KCNMA1: variants seen among roughly 807,000 people sequenced by gnomAD.
The protein encoded by KCNMA1 is Calcium-activated potassium channel subunit alpha-1.
A neutral mutation model predicts 140.0 loss-of-function variants in KCNMA1; 29 were observed. The observed-to-expected ratio is 0.21, with a 90% CI of 0.15 to 0.28. KCNMA1 has a LOEUF of 0.28. Ranked by LOEUF, KCNMA1 falls within the 10% of genes least tolerant of loss-of-function variation. The probability of loss-of-function intolerance (pLI) is 1.00; values close to 1 mark genes in which losing one functional copy is unlikely to be tolerated. For missense variants in KCNMA1, 880 were observed against 1,602.2 expected (o/e 0.55, Z 7.70); for synonymous variants, 612 against 611.9 (o/e 1.00, Z 0.00).
intron 1 of KCNMA1, among the ~76,000 whole-genome samples, chr10:77,539,115 C>T (rs576923722): frequency 6.6e-6 from 1 of 152,266 alleles, no homozygotes; most frequent in Admixed American, 6.5e-5. Flanking sequence ...ATTCATAAAC[C>T]AGCTCCCCCA....
At chr10:77,505,362 G>A (rs2045444739) in intron 1 of KCNMA1, among the ~76,000 whole-genome samples, 1 of 152,202 alleles carries the variant, frequency 6.6e-6, no homozygotes, top group Admixed American at 6.5e-5. Context: ...TCCATGCCCT[G>A]GCAATGGGGG....
chr10:77,137,115 T>C lies in KCNMA1; in HGVS notation c.809-16067A>G, dbSNP rs117086370. ...TGACAGAAATTGAGGGATAAACAGG[T>C]AAATGATAACTCATTCACTGCTTCA... On this transcript the variant is annotated intron_variant, in intron 5 of 27. Coordinates refer to ENST00000286628, the MANE Select transcript of KCNMA1 (RefSeq NM_001161352.2). Among the ~76,000 whole-genome samples the C allele has an allele frequency of 3.7e-3, 425 of 113,680 alleles. 20 individuals are homozygous for C. In the East Asian group the frequency reaches 0.11, roughly 28 times the overall value. The allele number at this position is 113,680 out of a possible 152,430, so 74.6% of individuals were successfully genotyped here.
chr10:77,584,670 G>A (rs1603637668), intron 1 of KCNMA1, among the ~76,000 whole-genome samples: 1 of 152,154 alleles, frequency 6.6e-6, no homozygotes, highest in African/African-American at 2.4e-5. Flanking sequence ...TTCCATAAAT[G>A]TTTTTAAAGA....
chr10:77,131,866 G>A (rs1410481380), intron 5 of KCNMA1, among the ~76,000 whole-genome samples: 1 of 151,150 alleles, frequency 6.6e-6, no homozygotes, highest in East Asian at 1.9e-4. Flanking sequence ...TTGGGAGGCT[G>A]AGGCAGGAGA....
intron 1 of KCNMA1, among the ~76,000 whole-genome samples, chr10:77,460,967 G>T (rs190880373): frequency 6.6e-6 from 1 of 152,094 alleles, no homozygotes; most frequent in African/African-American, 2.4e-5. Flanking sequence ...TTAGCTGGGC[G>T]TGGTGGCATG....
At chr10:77,311,591 AAAAT>A (rs1364955739) in intron 2 of KCNMA1, among the ~76,000 whole-genome samples, 3 of 152,354 alleles carry the variant, frequency 2.0e-5, no homozygotes, top group East Asian at 1.9e-4. Context: ...ATCATTTAAA[AAAAT>A]AAATAAATAA....
chr10:76,915,076 G>A, intron 23 of KCNMA1, 27 bp from the exon 24 acceptor site: 1 of 1,535,982 alleles, frequency 6.5e-7, no homozygotes, highest in South Asian at 1.1e-5. Flanking sequence ...AGAGGAGGAA[G>A]AAAAATCAGA....
At chr10:77,399,595 A>G (rs2096193543) in intron 2 of KCNMA1, among the ~76,000 whole-genome samples, 1 of 152,194 alleles carries the variant, frequency 6.6e-6, no homozygotes, top group Middle Eastern at 3.2e-3. Context: ...GAGAGGAGGC[A>G]AAGACAGGCT....
intron 1 of KCNMA1, among the ~76,000 whole-genome samples, chr10:77,555,275 G>A (rs1416736841): frequency 6.6e-6 from 1 of 152,194 alleles, no homozygotes; most frequent in Non-Finnish European, 1.5e-5. Context: ...AGGCCCTGTG[G>A]TATTTCTTGA....
intron 25 of KCNMA1, among the ~76,000 whole-genome samples, chr10:76,896,354 G>A (rs1215127350): frequency 6.6e-6 from 1 of 152,122 alleles, no homozygotes; most frequent in African/African-American, 2.4e-5. Flanking sequence ...CAGACTTTAA[G>A]GTTATCTCCC....
intron 1 of KCNMA1, among the ~76,000 whole-genome samples, chr10:77,442,089 G>A (rs1459616369): frequency 6.6e-6 from 1 of 152,158 alleles, no homozygotes; most frequent in East Asian, 1.9e-4. Flanking sequence ...GATCACCCAG[G>A]AGACTCGAAA....
intron 3 of KCNMA1, among the ~76,000 whole-genome samples, chr10:77,241,342 G>A (rs2057217472): frequency 6.6e-6 from 1 of 152,046 alleles, no homozygotes; most frequent in Admixed American, 6.6e-5. Context: ...AATAAATGAC[G>A]AATAATAACA....
chr10:77,598,197 A>G (rs1567781682), intron 1 of KCNMA1, among the ~76,000 whole-genome samples: 1 of 152,056 alleles, frequency 6.6e-6, no homozygotes, highest in Non-Finnish European at 1.5e-5. Context: ...TCTTGAATTC[A>G]TGACCTCAAG....
chr10:77,161,136 T>C (rs981323983), intron 5 of KCNMA1, among the ~76,000 whole-genome samples: 1 of 152,150 alleles, frequency 6.6e-6, no homozygotes, highest in Non-Finnish European at 1.5e-5. Flanking sequence ...CAAGGACAGA[T>C]GTGGGATAAG....
At chr10:76,950,552 G>A (rs1424299450) in intron 21 of KCNMA1, among the ~76,000 whole-genome samples, 2 of 152,204 alleles carry the variant, frequency 1.3e-5, no homozygotes, top group Non-Finnish European at 2.9e-5. Flanking sequence ...CTGGTTCAAT[G>A]CCTCCCATTC....
At chr10:77,033,376 G>A (rs529364236) in intron 15 of KCNMA1, among the ~76,000 whole-genome samples, 2 of 152,060 alleles carry the variant, frequency 1.3e-5, no homozygotes, top group African/African-American at 4.8e-5. Context: ...GATAGGAGTG[G>A]AGTGGGAAGG....
intron 2 of KCNMA1, among the ~76,000 whole-genome samples, chr10:77,328,208 C>T (rs76226395): frequency 0.016 from 2,441 of 152,294 alleles, 70 homozygotes; most frequent in African/African-American, 0.054. Context: ...ACAGTAAGCA[C>T]TCAATAAATA....
chr10:77,068,326 T>C (rs1331403626), intron 14 of KCNMA1, among the ~76,000 whole-genome samples: 1 of 152,228 alleles, frequency 6.6e-6, no homozygotes, highest in Non-Finnish European at 1.5e-5. Context: ...AGACTAATTC[T>C]ATACATACAT....
At chr10:77,482,474 T>C (rs1278186551) in intron 1 of KCNMA1, among the ~76,000 whole-genome samples, 1 of 152,200 alleles carries the variant, frequency 6.6e-6, no homozygotes, top group Non-Finnish European at 1.5e-5. Context: ...GCCTCCTCCT[T>C]CTGTCTCTGA....
Sources: gnomAD v4.1 joint callset for allele counts (sites outside exome capture counted in the v4.1 genomes callset) on GRCh38, gnomAD v4.1.1 for gene constraint, MANE v1.5 for transcripts, NCBI Gene and HGNC (gene_info 2026-07-23, HGNC 2026-07-21) for gene names.